The following PTPRG variants were observed in gnomAD, a reference collection of about 807,000 sequenced individuals.
The protein encoded by PTPRG is receptor-type tyrosine-protein phosphatase gamma.
PTPRG carries 102 observed loss-of-function variants against 165.3 expected under a neutral mutation model. The observed-to-expected ratio is 0.62, with a 90% confidence interval of 0.53 to 0.73. The LOEUF (loss-of-function observed/expected upper bound fraction) is 0.73. Among genes scored for constraint, PTPRG ranks in the 30% least tolerant of loss-of-function variants. The probability of loss-of-function intolerance (pLI) is 0.00; values close to 1 mark genes in which losing one functional copy is unlikely to be tolerated. For missense variants in PTPRG, 1,866 were observed against 1,861.4 expected (o/e 1.00, Z -0.05); for synonymous variants, 675 against 669.5 (o/e 1.01, Z -0.13).
At chr3:62,040,982 A>C (rs1700109714) in intron 4 of PTPRG, among the ~76,000 whole-genome samples, 1 of 152,254 alleles carries the variant, frequency 6.6e-6, no homozygotes, top group African/African-American at 2.4e-5. Context: ...GCAGATGAAC[A>C]GACCAAACTT....
At chr3:61,887,170 A>ATATATATATATATATTTT in intron 2 of PTPRG, among the ~76,000 whole-genome samples, 1 of 115,532 alleles carries the variant, frequency 8.7e-6, no homozygotes, top group East Asian at 3.3e-4. Flanking sequence ...ATATATATAT[A>ATATATATATATATATTTT]TTTTTAATGC....
Position 62,068,350 on chromosome 3 carries a change from C to T in PTPRG, c.520-9813C>T, listed in dbSNP as rs191855367. ...AGGGATTCTCTATGTTAAGGCCAGTCACTGGAACTTGCTCCGTCAAGCAGG... is the reference window on the plus strand; with the variant it reads ...AGGGATTCTCTATGTTAAGGCCAGTTACTGGAACTTGCTCCGTCAAGCAGG... On this transcript the variant is annotated intron_variant, in intron 4 of 29. Transcript: ENST00000474889. Among the ~76,000 whole-genome samples, 702 of 152,212 alleles carry T rather than the reference C, an allele frequency of 4.6e-3. 3 individuals carry two copies. The highest frequency in any genetic ancestry group is 6.9e-3 in the Non-Finnish European group (467 of 68,000).
intron 5 of PTPRG, among the ~76,000 whole-genome samples, chr3:62,084,171 T>C (rs1192698593): frequency 1.3e-5 from 2 of 152,228 alleles, no homozygotes; most frequent in Non-Finnish European, 2.9e-5. Context: ...ATAAAATGAT[T>C]GTCATGTCTG....
intron 1 of PTPRG, among the ~76,000 whole-genome samples, chr3:61,629,181 G>A (rs1365009480): frequency 6.6e-6 from 1 of 152,128 alleles, no homozygotes; most frequent in East Asian, 1.9e-4. Context: ...TTGAGATGGA[G>A]TCTTGCTCTG....
chr3:61,602,649 G>T (rs775353663), intron 1 of PTPRG, among the ~76,000 whole-genome samples: 4 of 152,160 alleles, frequency 2.6e-5, no homozygotes, highest in Non-Finnish European at 5.9e-5. Flanking sequence ...CAGTCAGCAG[G>T]ACCCCCTCTT....
intron 2 of PTPRG, among the ~76,000 whole-genome samples, chr3:61,794,322 C>G (rs998149557): frequency 9.9e-5 from 15 of 152,026 alleles, no homozygotes; most frequent in Admixed American, 1.3e-4. Flanking sequence ...TTTTCTATTG[C>G]CATCTGTTCA....
chr3:61,824,390 T>C (rs553868433), intron 2 of PTPRG, among the ~76,000 whole-genome samples: 139 of 152,352 alleles, frequency 9.1e-4, no homozygotes, highest in Non-Finnish European at 1.7e-3. Context: ...CACAGTCTTC[T>C]ACCACCAGGT....
intron 2 of PTPRG, among the ~76,000 whole-genome samples, chr3:61,945,858 G>C (rs1314265762): frequency 6.6e-6 from 1 of 152,196 alleles, no homozygotes; most frequent in Non-Finnish European, 1.5e-5. Context: ...CAGCAGACAA[G>C]ACGGCTATTT....
At chr3:61,827,544 C>T (rs900397332) in intron 2 of PTPRG, among the ~76,000 whole-genome samples, 1 of 152,178 alleles carries the variant, frequency 6.6e-6, no homozygotes, top group African/African-American at 2.4e-5. Context: ...TATTTTGTGA[C>T]ATCCCTGATC....
chr3:61,932,161 G>T (rs1425812481), intron 2 of PTPRG, among the ~76,000 whole-genome samples: 1 of 152,182 alleles, frequency 6.6e-6, no homozygotes, highest in Non-Finnish European at 1.5e-5. Context: ...GTCAGATGGG[G>T]TCTGCAGGTG....
At chr3:62,014,943 G>A (rs1410356332) in intron 4 of PTPRG, among the ~76,000 whole-genome samples, 2 of 152,158 alleles carry the variant, frequency 1.3e-5, no homozygotes, top group Non-Finnish European at 2.9e-5. Context: ...GCTTGATAAT[G>A]GGCTATCACA....
intron 1 of PTPRG, among the ~76,000 whole-genome samples, chr3:61,746,329 C>T (rs1248994371): frequency 6.6e-6 from 1 of 151,156 alleles, no homozygotes; most frequent in Non-Finnish European, 1.5e-5. Flanking sequence ...CGCCATTCTC[C>T]TGCCTCAGCT....
Position 61,690,955 on chromosome 3 carries a change from G to T in PTPRG, c.86-57923G>T, listed in dbSNP as rs72878411. Among the ~76,000 whole-genome samples the T allele has an allele frequency of 1.9e-3, 284 of 151,978 alleles. 2 individuals are homozygous for T. Among genetic ancestry groups the T allele is most frequent in the African/African-American group, 6.6e-3 (275 of 41,440 alleles). ...CTGCTCAGAGAATGATTGATTTTGG[G>T]GTGAATTGCTATGTTTTTACATAGA... On this transcript the variant is annotated intron_variant, in intron 1 of 29. Transcript: ENST00000474889.
chr3:62,247,993 G>A (rs1339691511), intron 15 of PTPRG, among the ~76,000 whole-genome samples: 2 of 150,232 alleles, frequency 1.3e-5, no homozygotes, highest in Admixed American at 1.3e-4. Context: ...ATTTAGTATA[G>A]CAAAGACAGT....
chr3:61,991,847 C>T (rs189110333), intron 3 of PTPRG, among the ~76,000 whole-genome samples: 111 of 152,316 alleles, frequency 7.3e-4, no homozygotes, highest in African/African-American at 2.2e-3. Flanking sequence ...CAGCTTTCAG[C>T]TTCGTATCAC....
chr3:62,075,954 T>C (rs1701366309), intron 4 of PTPRG, among the ~76,000 whole-genome samples: 1 of 152,120 alleles, frequency 6.6e-6, no homozygotes, highest in Admixed American at 6.5e-5. Flanking sequence ...GTTAAGATGT[T>C]TGCCAAATGT....
At chr3:61,575,910 C>T (rs963544805) in intron 1 of PTPRG, among the ~76,000 whole-genome samples, 2 of 152,142 alleles carry the variant, frequency 1.3e-5, no homozygotes, top group African/African-American at 4.8e-5. Flanking sequence ...AGCCACTGTG[C>T]CCGGCTGGCA....
At chr3:61,813,854 T>G (rs2035672199) in intron 2 of PTPRG, among the ~76,000 whole-genome samples, 1 of 151,614 alleles carries the variant, frequency 6.6e-6, no homozygotes, top group African/African-American at 2.4e-5. Context: ...TTTCACATAT[T>G]ACATTAATTC....
intron 5 of PTPRG, among the ~76,000 whole-genome samples, chr3:62,093,097 A>G (rs1402792180): frequency 6.6e-6 from 1 of 152,198 alleles, no homozygotes; most frequent in Non-Finnish European, 1.5e-5. Flanking sequence ...TTGGTCCAGG[A>G]GATGGCCTGA....
Sources: gnomAD v4.1 joint callset for allele counts (sites outside exome capture counted in the v4.1 genomes callset) on GRCh38, gnomAD v4.1.1 for gene constraint, MANE v1.5 for transcripts, NCBI Gene and HGNC (gene_info 2026-07-23, HGNC 2026-07-21) for gene names.